Variants in ARHGEF11 observed in about 807,000 individuals in gnomAD.
ARHGEF11 encodes the protein Rho guanine nucleotide exchange factor 11, also known as Rho guanine exchange factor (GEF) 11.
In ARHGEF11, 55 loss-of-function variants were observed where a neutral mutation model predicts 193.7. The observed-to-expected ratio is 0.28, with a 90% CI of 0.23 to 0.36. The LOEUF is 0.36. ARHGEF11 is among the 10% of genes least tolerant of loss of function. The pLI, the probability that ARHGEF11 is intolerant of heterozygous loss-of-function variation, is 1.00. For missense variants in ARHGEF11, 1,723 were observed against 2,005.6 expected (o/e 0.86, Z 2.69); for synonymous variants, 693 against 768.0 (o/e 0.90, Z 1.62).
chr1:157,035,289 A>G (rs1381902150), intron 1 of ARHGEF11, among the ~76,000 whole-genome samples: 2 of 152,148 alleles, frequency 1.3e-5, no homozygotes, highest in Non-Finnish European at 2.9e-5. Flanking sequence ...TAATTCAAGC[A>G]TGGGTATTCT....
intron 1 of ARHGEF11, among the ~76,000 whole-genome samples, chr1:157,032,698 T>C (rs1671450706): frequency 6.6e-6 from 1 of 152,144 alleles, no homozygotes; most frequent in African/African-American, 2.4e-5. Flanking sequence ...CACCATTTCT[T>C]CACCTCCTAT....
chr1:156,956,304 T>A (rs1659939791), intron 19 of ARHGEF11, 116 bp downstream of exon 19: 19 of 1,061,734 alleles, frequency 1.8e-5, no homozygotes, highest in Non-Finnish European at 2.6e-5. Context: ...TTAATAGAGA[T>A]GGGGTTTCAC....
At chr1:156,954,610 T>A (rs979550376) in intron 21 of ARHGEF11, among the ~76,000 whole-genome samples, 1 of 152,170 alleles carries the variant, frequency 6.6e-6, no homozygotes, top group Non-Finnish European at 1.5e-5. Context: ...GAAGGAGCTG[T>A]CCCTGCAGGA....
intron 12 of ARHGEF11, 101 bp downstream of exon 12, chr1:156,963,419 C>T: frequency 6.6e-7 from 1 of 1,507,428 alleles, no homozygotes; most frequent in Non-Finnish European, 9.2e-7. Context: ...CTCCCCGCCT[C>T]AAGTTCCCTT....
chr1:156,945,856 T>TAA (rs1658009210), intron 29 of ARHGEF11, 189 bp downstream of exon 29: 1 of 553,178 alleles, frequency 1.8e-6, no homozygotes, highest in African/African-American at 1.9e-5. Flanking sequence ...CTCCCACTAT[T>TAA]AAACACCTTA....
intron 1 of ARHGEF11, among the ~76,000 whole-genome samples, chr1:157,010,203 T>A (rs1668380524): frequency 6.6e-6 from 1 of 152,124 alleles, no homozygotes. Context: ...AACACAAGAA[T>A]GTCTGCTCTA....
At chr1:157,013,313 C>G (rs1668801499) in intron 1 of ARHGEF11, among the ~76,000 whole-genome samples, 1 of 69,022 alleles carries the variant, frequency 1.4e-5, no homozygotes, top group Non-Finnish European at 3.7e-5. Context: ...AGAACCTTCT[C>G]CGGTGGGTGG....
intron 39 of ARHGEF11, 88 bp downstream of exon 39, chr1:156,937,161 C>T: frequency 6.3e-7 from 1 of 1,588,050 alleles, no homozygotes; most frequent in Non-Finnish European, 8.6e-7. Flanking sequence ...ATCTAGGGCT[C>T]CCGCGAAGAC....
At chr1:156,977,143 G>A (rs962988994) in intron 6 of ARHGEF11, 89 bp from the exon 7 acceptor site, 4 of 1,126,964 alleles carry the variant, frequency 3.5e-6, no homozygotes, top group African/African-American at 1.5e-5. Context: ...GGCAAGGACA[G>A]CTATGAGAAT....
intron 21 of ARHGEF11, among the ~76,000 whole-genome samples, chr1:156,953,130 A>C (rs972535196): frequency 2.0e-4 from 31 of 152,264 alleles, no homozygotes; most frequent in Non-Finnish European, 1.8e-4. Context: ...AAACAGGTAG[A>C]AGGAAATGCA....
intron 8 of ARHGEF11, among the ~76,000 whole-genome samples, 153 bp from the exon 9 acceptor site, chr1:156,970,196 T>C (rs1171142087): frequency 2.0e-5 from 3 of 152,210 alleles, no homozygotes; most frequent in Non-Finnish European, 2.9e-5. Flanking sequence ...ATTGCTTCAT[T>C]TGTACAGTTT....
At chr1:156,936,095 C>T (rs747201109) in intron 40 of ARHGEF11, 37 bp from the exon 41 acceptor site, 102 of 1,598,526 alleles carry the variant, frequency 6.4e-5, no homozygotes, top group Non-Finnish European at 8.0e-5. Flanking sequence ...ACTGGCCAGC[C>T]TGAGGTGACC....
At chr1:157,003,172 G>C (rs1349073922) in intron 1 of ARHGEF11, among the ~76,000 whole-genome samples, 1 of 152,182 alleles carries the variant, frequency 6.6e-6, no homozygotes, top group Non-Finnish European at 1.5e-5. Context: ...AAGAAAATGG[G>C]CTACAGAAAG....
In ARHGEF11 at chr1:156,934,955, TTATATA is replaced by T. The variant is rs955315850; in HGVS notation, c.*1039_*1044del. ...CATTTCCATATCTATATTTTATATA[TTATATA>T]TATATTTATATATATATATATGTAT... On this transcript the variant is annotated 3_prime_UTR_variant, in exon 41 of 41. Transcript: ENST00000368194. 6.8e-6 allele frequency: 1 copy of T among 148,114 alleles called. No homozygotes were observed. The highest frequency in any genetic ancestry group is 1.5e-5 in the Non-Finnish European group (1 of 67,258). 9.2% of individuals were successfully genotyped at this position (148,114 alleles called of 1,614,324 possible).
chr1:156,937,502 C>T lies in ARHGEF11; in HGVS notation c.4193-6G>A. 1 of 1,516,414 alleles carries T rather than the reference C, an allele frequency of 6.6e-7. No homozygotes were observed. The highest frequency in any genetic ancestry group is 8.8e-7 in the Non-Finnish European group (1 of 1,133,906). The allele number at this position is 1,516,414 out of a possible 1,614,324, so 93.9% of individuals were successfully genotyped here. A position where few individuals can be genotyped will look rare whatever the true frequency, so the allele number is the denominator to read the frequency against. ...GCTGACATAAAAGCAGTTCCCTGTCCCCACAGTAAGAGAATGAGATCAGGA... is the reference window on the plus strand; with the variant it reads ...GCTGACATAAAAGCAGTTCCCTGTCTCCACAGTAAGAGAATGAGATCAGGA... On this transcript the variant is annotated splice_region_variant and splice_polypyrimidine_tract_variant and intron_variant, in intron 38 of 40. Coordinates refer to ENST00000368194, the MANE Select transcript of ARHGEF11 (RefSeq NM_198236.3).
chr1:157,028,269 T>C (rs992742699), intron 1 of ARHGEF11, among the ~76,000 whole-genome samples: 2 of 152,236 alleles, frequency 1.3e-5, no homozygotes, highest in East Asian at 1.9e-4. Flanking sequence ...CTATAAGACA[T>C]GAAGTAATGA....
At chr1:156,986,212 C>G (rs1324386741) in intron 1 of ARHGEF11, 39 bp from the exon 2 acceptor site, 2 of 1,544,106 alleles carry the variant, frequency 1.3e-6, no homozygotes, top group South Asian at 1.1e-5. Context: ...ATGAGCTCAG[C>G]AGGGGGGATC....
At chr1:156,940,485 C>A (rs972825021) in intron 35 of ARHGEF11, 60 bp from the exon 36 acceptor site, 3 of 1,481,080 alleles carry the variant, frequency 2.0e-6, no homozygotes, top group African/African-American at 2.8e-5. Flanking sequence ...TATGGGAGAG[C>A]CTATGGGCAG....
chr1:157,035,329 C>G (rs1415408362), intron 1 of ARHGEF11, among the ~76,000 whole-genome samples: 1 of 151,904 alleles, frequency 6.6e-6, no homozygotes, highest in African/African-American at 2.4e-5. Flanking sequence ...TTAGGACAAT[C>G]TGGGGTCCCT....
Sources: gnomAD v4.1 joint callset for allele counts (sites outside exome capture counted in the v4.1 genomes callset) on GRCh38, gnomAD v4.1.1 for gene constraint, MANE v1.5 for transcripts, NCBI Gene and HGNC (gene_info 2026-07-23, HGNC 2026-07-21) for gene names.